The following MID1 variants were observed in gnomAD, a reference collection of about 807,000 sequenced individuals.
MID1 encodes E3 ubiquitin-protein ligase Midline-1.
In MID1, 7 loss-of-function variants were observed where a neutral mutation model predicts 40.4. The observed-to-expected ratio is 0.17, with a 90% CI of 0.10 to 0.33. The LOEUF is 0.33. Among genes scored for constraint, MID1 ranks in the 10% least tolerant of loss-of-function variants. The probability of loss-of-function intolerance (pLI) is 1.00; values close to 1 mark genes in which losing one functional copy is unlikely to be tolerated. For missense variants in MID1, 367 were observed against 558.5 expected (o/e 0.66, Z 3.46); for synonymous variants, 229 against 221.2 (o/e 1.04, Z -0.31).
chrX:10,544,191 C>T (rs1210392161), intron 2 of MID1, among the ~76,000 whole-genome samples: 1 of 111,484 alleles, frequency 9.0e-6, no homozygotes, highest in Non-Finnish European at 1.9e-5. Context: ...AAAAAGTCAA[C>T]TCATTTCATT....
chrX:10,711,641 A>G (rs1019220051), intron 1 of MID1, among the ~76,000 whole-genome samples: 1 of 112,203 alleles, frequency 8.9e-6, no homozygotes, highest in Non-Finnish European at 1.9e-5. Context: ...AAAGAGAAGG[A>G]GCAAATATTA....
At chrX:10,589,539 C>T (rs747830599) in intron 1 of MID1, 32 of 111,773 alleles carry the variant, frequency 2.9e-4, no homozygotes, top group Non-Finnish European at 5.3e-4. Flanking sequence ...GTGATCAGAC[C>T]ACGCTTCCAC....
At chrX:10,751,862 C>A (rs764767364) in intron 1 of MID1, among the ~76,000 whole-genome samples, 1 of 111,719 alleles carries the variant, frequency 9.0e-6, no homozygotes, top group Non-Finnish European at 1.9e-5. Flanking sequence ...GTGGATCATG[C>A]GGGTGGATCA....
chrX:10,579,218 A>C (rs1349672493), intron 1 of MID1, among the ~76,000 whole-genome samples: 1 of 112,015 alleles, frequency 8.9e-6, no homozygotes, highest in Non-Finnish European at 1.9e-5. Flanking sequence ...AATGAGCAAA[A>C]TGACGCAAGT....
At chrX:10,515,665 C>T (rs1378615566) in intron 3 of MID1, among the ~76,000 whole-genome samples, 12 of 111,827 alleles carry the variant, frequency 1.1e-4, no homozygotes, top group Non-Finnish European at 2.3e-4. Context: ...TGACCTTGAG[C>T]AAGAATGGTA....
intron 1 of MID1, among the ~76,000 whole-genome samples, chrX:10,728,325 G>C (rs1248772119): frequency 9.0e-6 from 1 of 111,541 alleles, no homozygotes; most frequent in African/African-American, 3.3e-5. Context: ...GAAAGCAGGA[G>C]CTCATCTTCA....
At chrX:10,684,118 G>C (rs1164659217) in intron 1 of MID1, among the ~76,000 whole-genome samples, 1 of 110,402 alleles carries the variant, frequency 9.1e-6, no homozygotes, top group Admixed American at 9.7e-5. Context: ...CTTTTTGTTT[G>C]TTTGTTTGTA....
At chrX:10,578,525 A>G (rs749851994) in intron 1 of MID1, among the ~76,000 whole-genome samples, 2 of 112,992 alleles carry the variant, frequency 1.8e-5, no homozygotes, top group East Asian at 5.5e-4. Flanking sequence ...CTTGCAGATG[A>G]AATTTCCCAC....
chrX:10,493,247 G>A (rs751530904), intron 4 of MID1, among the ~76,000 whole-genome samples: 29 of 112,059 alleles, frequency 2.6e-4, no homozygotes, highest in Non-Finnish European at 4.9e-4. Context: ...CAGAGAAGAC[G>A]TGAGGATGGG....
chrX:10,741,386 C>T (rs1364829122), intron 1 of MID1, among the ~76,000 whole-genome samples: 13 of 110,554 alleles, frequency 1.2e-4, no homozygotes, highest in Admixed American at 3.9e-4. Flanking sequence ...AGACAGTAGC[C>T]TTGGGCTCTC....
At chrX:10,637,788 T>G (rs1936136627) in intron 1 of MID1, among the ~76,000 whole-genome samples, 2 of 111,423 alleles carry the variant, frequency 1.8e-5, no homozygotes, top group South Asian at 7.5e-4. Flanking sequence ...AGACAGCAGC[T>G]ATTTGGAAGT....
chrX:10,753,778 A>C (rs1281020950), intron 1 of MID1, among the ~76,000 whole-genome samples: 1 of 112,420 alleles, frequency 8.9e-6, no homozygotes, highest in Non-Finnish European at 1.9e-5. Flanking sequence ...ATCCACATCT[A>C]GAAAATAGTG....
intron 1 of MID1, among the ~76,000 whole-genome samples, chrX:10,581,786 T>A (rs749310059): frequency 8.9e-6 from 1 of 112,064 alleles, no homozygotes; most frequent in African/African-American, 3.2e-5. Flanking sequence ...GGCAATTTCA[T>A]CTGTTTCCTA....
intron 1 of MID1, among the ~76,000 whole-genome samples, chrX:10,679,798 C>T (rs2043047354): frequency 8.9e-6 from 1 of 111,946 alleles, no homozygotes. Flanking sequence ...TAGCTTTCTT[C>T]GACTTGCTTT....
intron 1 of MID1, among the ~76,000 whole-genome samples, chrX:10,647,684 C>G (rs1936275968): frequency 9.0e-6 from 1 of 111,645 alleles, no homozygotes; most frequent in Non-Finnish European, 1.9e-5. Flanking sequence ...GTGTCCCTAG[C>G]ATGTAGTGAG....
intron 1 of MID1, among the ~76,000 whole-genome samples, chrX:10,661,272 ACT>A (rs2042909743): frequency 9.1e-6 from 1 of 109,315 alleles, no homozygotes; most frequent in African/African-American, 3.3e-5. Context: ...GTACGGGGGA[ACT>A]CTCTGCATTA....
At chrX:10,780,420 T>C (rs2043837439) in intron 1 of MID1, among the ~76,000 whole-genome samples, 1 of 111,545 alleles carries the variant, frequency 9.0e-6, no homozygotes, top group Non-Finnish European at 1.9e-5. Context: ...GCTCTGATGG[T>C]GGGAGGGGTG....
intron 4 of MID1, among the ~76,000 whole-genome samples, chrX:10,492,938 G>A (rs960562633): frequency 1.3e-4 from 15 of 112,115 alleles, no homozygotes; most frequent in African/African-American, 4.9e-4. Context: ...GGGGACACCT[G>A]CACTACTCTG....
chrX:10,778,981 G>C (rs1260668715), intron 1 of MID1, among the ~76,000 whole-genome samples: 1 of 112,926 alleles, frequency 8.9e-6, no homozygotes, highest in Admixed American at 9.3e-5. Flanking sequence ...AACCAAACGA[G>C]AGTAAAACAT....
Sources: gnomAD v4.1 joint callset for allele counts (sites outside exome capture counted in the v4.1 genomes callset) on GRCh38, gnomAD v4.1.1 for gene constraint, MANE v1.5 for transcripts, NCBI Gene and HGNC (gene_info 2026-07-23, HGNC 2026-07-21) for gene names.